Variants in KDM3B observed in about 807,000 individuals in gnomAD.
KDM3B encodes lysine demethylase 3B.
KDM3B carries 10 observed loss-of-function variants against 170.0 expected under a neutral mutation model. The observed-to-expected ratio is 0.06, with a 90% CI of 0.04 to 0.10. The LOEUF is 0.10. KDM3B is among the 10% of genes least tolerant of loss of function. The probability of loss-of-function intolerance (pLI) is 1.00; values close to 1 mark genes in which losing one functional copy is unlikely to be tolerated. For synonymous variants in KDM3B, 831 were observed against 834.8 expected, an observed-to-expected ratio of 1.00 and a Z score of 0.08; for missense variants, 1,394 against 2,195.2, an observed-to-expected ratio of 0.64 and a Z score of 7.29.
intron 13 of KDM3B, among the ~76,000 whole-genome samples, chr5:138,418,412 C>T (rs1763163343): frequency 6.6e-6 from 1 of 152,038 alleles, no homozygotes; most frequent in Admixed American, 6.6e-5. Context: ...CAACCAACTG[C>T]TTACATTCCA....
rs545160679 is a variant in KDM3B at position 138,390,531 on chromosome 5, C to T, written c.1381-482C>T. Among the ~76,000 whole-genome samples, 4 of 152,252 alleles carry T rather than the reference C, an allele frequency of 2.6e-5. No individual in the cohort carries two copies. The South Asian group carries it at 8.3e-4, about 32-fold the overall frequency. On this transcript the variant is annotated intron_variant, in intron 7 of 23. Transcript: ENST00000314358. ...AGTAGGCTTGTCCTAGGATTAAAGCCACTTTTTGTAAAATGGGCAATTTTA... is the reference window on the plus strand; with the variant it reads ...AGTAGGCTTGTCCTAGGATTAAAGCTACTTTTTGTAAAATGGGCAATTTTA...
At chr5:138,363,577 C>A (rs1325003465) in intron 1 of KDM3B, among the ~76,000 whole-genome samples, 6 of 152,170 alleles carry the variant, frequency 3.9e-5, no homozygotes, top group Non-Finnish European at 1.5e-5. Flanking sequence ...GACGGAGTCT[C>A]GCTCTGTCTC....
chr5:138,410,390 A>G (rs540220574), intron 11 of KDM3B, among the ~76,000 whole-genome samples: 1 of 152,320 alleles, frequency 6.6e-6, no homozygotes, highest in South Asian at 2.1e-4. Flanking sequence ...AAACCCACAC[A>G]TACATAATCA....
At chr5:138,375,700 G>A (rs1761981082) in intron 3 of KDM3B, among the ~76,000 whole-genome samples, 1 of 150,066 alleles carries the variant, frequency 6.7e-6, no homozygotes, top group Admixed American at 6.7e-5. Context: ...TTGAGACAGA[G>A]AGTTTTGCTC....
intron 23 of KDM3B, among the ~76,000 whole-genome samples, chr5:138,433,914 A>G (rs1021674824): frequency 7.1e-6 from 1 of 140,926 alleles, no homozygotes; most frequent in African/African-American, 2.7e-5. Flanking sequence ...TAATTTTTGT[A>G]TTTTTAGTAG....
rs1255468909 is a variant in KDM3B at position 138,392,205 on chromosome 5, G to A, written c.2573G>A (p.Gly858Asp). ...NGERSAELLLGKSKGKQAPKG... is the reference protein window; with the variant it reads ...NGERSAELLLDKSKGKQAPKG... ...GAGCGCAGTGCTGAGCTGTTGCTGGGCAAAAGCAAAGGGAAGCAGGCCCCC... is the reference window on the plus strand; with the variant it reads ...GAGCGCAGTGCTGAGCTGTTGCTGGACAAAAGCAAAGGGAAGCAGGCCCCC... The change falls in exon 8 of 24, where the codon GGC (glycine) becomes GAC (aspartate). Residue 858 changes from glycine to aspartate, a missense_variant. Gly to Asp is a moderately conservative substitution (Grantham distance 94, BLOSUM62 -1). This residue lies in a region of KDM3B where 84 missense variants were observed against 135.8 expected (regional missense o/e 0.62). Coordinates refer to ENST00000314358, the MANE Select transcript of KDM3B (RefSeq NM_016604.4). The A allele has an allele frequency of 1.3e-6, 2 of 1,510,496 alleles. No individual in the cohort carries two copies. The allele number at this position is 1,510,496 out of a possible 1,614,324, so 93.6% of individuals were successfully genotyped here.
chr5:138,390,368 C>G (rs1045893340), intron 7 of KDM3B, among the ~76,000 whole-genome samples: 1 of 152,120 alleles, frequency 6.6e-6, no homozygotes, highest in Admixed American at 6.6e-5. Flanking sequence ...TTTAATTTAG[C>G]ATCTTTACGT....
intron 1 of KDM3B, among the ~76,000 whole-genome samples, chr5:138,357,772 T>G (rs554470250): frequency 4.6e-5 from 7 of 152,142 alleles, no homozygotes; most frequent in African/African-American, 1.7e-4. Context: ...CAGGCTGGAG[T>G]GCAGTGGCGC....
chr5:138,405,499 C>T (rs991009000), intron 11 of KDM3B, among the ~76,000 whole-genome samples: 4 of 151,814 alleles, frequency 2.6e-5, no homozygotes, highest in African/African-American at 9.7e-5. Context: ...GAGTAAGACT[C>T]TGTCTTACAA....
At chr5:138,429,696 C>G (rs1763482168) in intron 20 of KDM3B, 130 bp from the exon 21 acceptor site, 1 of 973,872 alleles carries the variant, frequency 1.0e-6, no homozygotes, top group African/African-American at 1.6e-5. Flanking sequence ...TATCAATTTT[C>G]TGATTCTGCC....
intron 11 of KDM3B, among the ~76,000 whole-genome samples, chr5:138,411,298 T>TG (rs1762963166): frequency 6.6e-6 from 1 of 152,240 alleles, no homozygotes; most frequent in South Asian, 2.1e-4. Flanking sequence ...TATCTCTGTA[T>TG]GGCCTGGTTT....
chr5:138,381,502 C>T lies in KDM3B; in HGVS notation c.706-14C>T. On this transcript the variant is annotated splice_polypyrimidine_tract_variant and intron_variant, in intron 5 of 23. Transcript: ENST00000314358. ...GGACAAGGCATTAAATATCTTTTTC[C>T]CCTCCTACTGTAGAGTGGTGAGATC... is the stretch of plus-strand genomic sequence containing the variant. 6.7e-7 allele frequency: 1 copy of T among 1,500,030 alleles called. No homozygotes were observed. The highest frequency in any genetic ancestry group is 9.3e-7 in the Non-Finnish European group (1 of 1,076,466). 92.9% of individuals were successfully genotyped at this position (1,500,030 alleles called of 1,614,324 possible). A position where few individuals can be genotyped will look rare whatever the true frequency, so the allele number is the denominator to read the frequency against.
At chr5:138,368,458 A>G (rs972698254) in intron 1 of KDM3B, among the ~76,000 whole-genome samples, 19 of 149,870 alleles carry the variant, frequency 1.3e-4, no homozygotes, top group Admixed American at 5.3e-4. Flanking sequence ...CTGGTTTTGA[A>G]CTCTTGAACT....
rs1580901280 is a variant in KDM3B at position 138,386,005 on chromosome 5, TGAA to T, written c.781-16_781-14del. On this transcript the variant is annotated splice_polypyrimidine_tract_variant and intron_variant, in intron 6 of 23. Transcript: ENST00000314358. ...ATGAAAGTTTCCTTGTAATCTTTTT[TGAA>T]TTTTGTTTTGTAGGGGGGTACGTTA... 3 of 1,572,154 alleles carry T rather than the reference TGAA, an allele frequency of 1.9e-6. No individual in the cohort carries two copies. Among genetic ancestry groups the T allele is most frequent in the Admixed American group, 1.9e-5 (1 of 52,194 alleles).
intron 7 of KDM3B, among the ~76,000 whole-genome samples, chr5:138,389,776 C>CTGTGTGTGTGTG (rs1234025296): frequency 8.6e-6 from 1 of 116,500 alleles, no homozygotes; most frequent in South Asian, 4.0e-4. Context: ...CTCTCTCTCT[C>CTGTGTGTGTGTG]TCTCTCTGTG....
rs1165863512 is a variant in KDM3B at position 138,436,850 on chromosome 5, C to A, written c.*1150C>A. The stretch of plus-strand genomic sequence containing the variant: ...CATAGGTACATTGGAAAATGTATAT[C>A]TCTCCAGCTGTACTGTAGTGCCCTG... On this transcript the variant is annotated 3_prime_UTR_variant, in exon 24 of 24. Transcript: ENST00000314358. The A allele has an allele frequency of 2.0e-5, 3 of 151,140 alleles. No individual in the cohort carries two copies. The highest frequency in any genetic ancestry group is 4.4e-5 in the Non-Finnish European group (3 of 67,980). The allele number at this position is 151,140 out of a possible 1,614,324, so 9.4% of individuals were successfully genotyped here. A position where few individuals can be genotyped will look rare whatever the true frequency, so the allele number is the denominator to read the frequency against.
chr5:138,403,145 G>A (rs1039199147), intron 11 of KDM3B, among the ~76,000 whole-genome samples: 1 of 152,134 alleles, frequency 6.6e-6, no homozygotes, highest in South Asian at 2.1e-4. Context: ...GCAAGCCTTG[G>A]AAGAAGCAAA....
chr5:138,431,923 A>C (rs559587401), intron 23 of KDM3B, among the ~76,000 whole-genome samples: 1 of 152,062 alleles, frequency 6.6e-6, no homozygotes, highest in East Asian at 1.9e-4. Context: ...AAAAAAAAAA[A>C]AACAAAAAAC....
intron 8 of KDM3B, 36 bp from the exon 9 acceptor site, chr5:138,393,134 CT>C (rs1406594354): frequency 1.3e-6 from 2 of 1,597,984 alleles, no homozygotes; most frequent in African/African-American, 2.7e-5. Context: ...CTGTTTACAC[CT>C]CATGACAAAC....
Sources: allele counts gnomAD v4.1 joint callset (sites outside exome capture counted in the v4.1 genomes callset), GRCh38; gene constraint gnomAD v4.1.1; regional missense constraint gnomAD v4.1.1; transcripts MANE v1.5; gene names NCBI Gene and HGNC (gene_info 2026-07-23, HGNC 2026-07-21).